The following DNAH17 variants were observed in gnomAD, a reference collection of about 807,000 sequenced individuals.
The protein encoded by DNAH17 is dynein axonemal heavy chain 17.
Under a neutral mutation model 485.6 loss-of-function variants are expected in DNAH17, and 376 were observed. That is an observed-to-expected ratio of 0.77 (90% CI 0.71 to 0.84). The LOEUF (loss-of-function observed/expected upper bound fraction) is 0.84, where lower values mean the gene tolerates loss of function less well. Among genes scored for constraint, DNAH17 ranks in the 40% least tolerant of loss-of-function variants. DNAH17 has a pLI of 0.00. For synonymous variants in DNAH17, 3,031 were observed against 2,405.9 expected (o/e 1.26, Z -7.60); for missense variants, 6,370 against 5,839.3 (o/e 1.09, Z -2.96).
chr17:78,457,108 C>T (rs536670117), intron 62 of DNAH17, among the ~76,000 whole-genome samples: 30 of 152,352 alleles, frequency 2.0e-4, no homozygotes, highest in African/African-American at 5.5e-4. Context: ...TGGTGGCTCA[C>T]GCCTGTAATC....
chr17:78,475,298 A>G lies in DNAH17; in HGVS notation c.8491T>C (p.Tyr2831His). ...CTCACCTTGAGGTCGGGGATCCCGTAGCCCTTCTTGAGGGTGATCTGAAAC... is the reference window on the plus strand; with the variant it reads ...CTCACCTTGAGGTCGGGGATCCCGTGGCCCTTCTTGAGGGTGATCTGAAAC... ...DVFQITLKKGYGIPDLKIDLA... is the reference protein window; with the variant it reads ...DVFQITLKKGHGIPDLKIDLA... The change falls in exon 54 of 81, where the codon TAC becomes CAC. Residue 2831 changes from tyrosine to histidine, a missense_variant. Physicochemically the swap from Tyr to His is moderately conservative, Grantham distance 83 (BLOSUM62 2). Transcript: ENST00000389840. The G allele has an allele frequency of 6.2e-7, 1 of 1,614,028 alleles. No individual in the cohort carries two copies. The highest frequency in any genetic ancestry group is 8.5e-7 in the Non-Finnish European group (1 of 1,179,892).
intron 18 of DNAH17, among the ~76,000 whole-genome samples, chr17:78,538,202 G>C (rs143784576): frequency 4.6e-5 from 7 of 150,624 alleles, no homozygotes; most frequent in Admixed American, 3.3e-4. Context: ...GGTTACTACA[G>C]GGGCTAAATG....
chr17:78,483,358 G>A (rs1403946746), intron 48 of DNAH17, among the ~76,000 whole-genome samples: 1 of 152,218 alleles, frequency 6.6e-6, no homozygotes, highest in African/African-American at 2.4e-5. Context: ...GGCTGAGCGT[G>A]GTGGCTCACG....
At chr17:78,471,327 G>A (rs2088738443) in intron 54 of DNAH17, among the ~76,000 whole-genome samples, 1 of 148,598 alleles carries the variant, frequency 6.7e-6, no homozygotes, top group Admixed American at 6.6e-5. Context: ...GCCTGGAAAA[G>A]CAGGTGGGCA....
intron 5 of DNAH17, 106 bp from the exon 6 acceptor site, chr17:78,571,139 G>T (rs2092351804): frequency 7.7e-7 from 1 of 1,292,786 alleles, no homozygotes; most frequent in Non-Finnish European, 1.1e-6. Flanking sequence ...AGGAAATGGG[G>T]CCTTTCTCAA....
intron 38 of DNAH17, 145 bp from the exon 39 acceptor site, chr17:78,495,242 C>T: frequency 9.1e-7 from 1 of 1,095,614 alleles, no homozygotes; most frequent in Non-Finnish European, 1.3e-6. Context: ...TGGAGCCGGG[C>T]TCCCAGCCCG....
chr17:78,457,485 G>C (rs4969190), intron 62 of DNAH17, among the ~76,000 whole-genome samples: 1 of 152,014 alleles, frequency 6.6e-6, no homozygotes, highest in Non-Finnish European at 1.5e-5. Context: ...TATTAGTTAC[G>C]TGTTGAAATA....
rs74698484 is a variant in DNAH17, at chr17:78,517,779, T to A, written c.3865-2757A>T. ...CAGTTCTGCCAAGATGGAGCAGCCC[T>A]GTTACTTCCAGCTTCTCTCTCTTAC... On this transcript the variant is annotated intron_variant, in intron 25 of 80. Coordinates refer to ENST00000389840, the MANE Select transcript of DNAH17 (RefSeq NM_173628.4). Among the ~76,000 whole-genome samples the A allele has an allele frequency of 8.7e-3, 1,326 of 152,366 alleles. 6 individuals are homozygous for A. The highest frequency in any genetic ancestry group is 0.02 in the Middle Eastern group (6 of 294).
intron 25 of DNAH17, among the ~76,000 whole-genome samples, chr17:78,515,368 G>T (rs972498137): frequency 1.3e-5 from 2 of 152,120 alleles, no homozygotes; most frequent in Non-Finnish European, 2.9e-5. Context: ...AATTAGCTGG[G>T]TGTGGTGGTG....
chr17:78,491,384 G>A, intron 43 of DNAH17, 59 bp downstream of exon 43: 3 of 1,581,870 alleles, frequency 1.9e-6, no homozygotes, highest in Non-Finnish European at 2.6e-6. Context: ...GCCTCCCTGT[G>A]AGCCCCCGTT....
chr17:78,480,945 A>G (rs1386091012), intron 48 of DNAH17, among the ~76,000 whole-genome samples, 159 bp from the exon 49 acceptor site: 1 of 152,016 alleles, frequency 6.6e-6, no homozygotes, highest in Admixed American at 6.6e-5. Context: ...ATCTCGGCTC[A>G]CTGCAAGCTT....
intron 56 of DNAH17, among the ~76,000 whole-genome samples, chr17:78,465,121 G>C (rs1322405852): frequency 6.6e-6 from 1 of 152,300 alleles, no homozygotes; most frequent in African/African-American, 2.4e-5. Context: ...TGGTGGAGAC[G>C]GGGTTTCGCT....
chr17:78,566,683 C>A lies in DNAH17; in HGVS notation c.1500G>T (p.Leu500=). The change falls in exon 11 of 81, where the codon CTG becomes CTT. Residue 500 remains leucine, a synonymous_variant. Coordinates refer to ENST00000389840, the MANE Select transcript of DNAH17 (RefSeq NM_173628.4). ...YADFEIKIQD[L]DRRLATIFCQ... ...AAAAGATCGTGGCCAGCCTCCTATC[C>A]AGGTCTTGGATTTTGATCTCAAAAT... 6.2e-7 allele frequency: 1 copy of A among 1,610,540 alleles called. No individual in the cohort carries two copies. Among genetic ancestry groups the A allele is most frequent in the Non-Finnish European group, 8.5e-7 (1 of 1,178,430 alleles).
At chr17:78,525,682 A>G (rs555766642) in intron 24 of DNAH17, among the ~76,000 whole-genome samples, 1 of 152,318 alleles carries the variant, frequency 6.6e-6, no homozygotes, top group South Asian at 2.1e-4. Context: ...GTGCACACAC[A>G]TGGACACGCA....
chr17:78,567,239 T>G, intron 9 of DNAH17, 73 bp from the exon 10 acceptor site: 90 of 1,506,688 alleles, frequency 6.0e-5, no homozygotes, highest in Middle Eastern at 1.7e-4. Flanking sequence ...AAACTAGCTC[T>G]GACCCCAGGC....
At chr17:78,570,399 T>C (rs770393788) in intron 6 of DNAH17, 27 bp from the exon 7 acceptor site, 6 of 1,601,566 alleles carry the variant, frequency 3.7e-6, no homozygotes, top group Non-Finnish European at 5.1e-6. Flanking sequence ...CCAGGCACAC[T>C]GGAGGGGACT....
Position 78,505,332 on chromosome 17 carries a change from C to G in DNAH17, c.4917G>C (p.Glu1639Asp), listed in dbSNP as rs958849484. Residue 1639 changes from glutamate (E) to aspartate (D), a missense_variant, in exon 31 of 81, where the codon GAG (glutamate) becomes GAC (aspartate). Coordinates refer to ENST00000389840, the MANE Select transcript of DNAH17 (RefSeq NM_173628.4). Reference sequence around the variant, plus strand: ...CGCATTCCTGATCAAAAACCATGTACTCGTCCTCCTTGCTGTACATTCCCA... The same window carrying G: ...CGCATTCCTGATCAAAAACCATGTAGTCGTCCTCCTTGCTGTACATTCCCA... ...VGLGMYSKED[E>D]YMVFDQECDL... 3 of 1,613,854 alleles carry G rather than the reference C, an allele frequency of 1.9e-6. No individual in the cohort carries two copies. The highest frequency in any genetic ancestry group is 2.5e-6 in the Non-Finnish European group (3 of 1,179,888).
At position 78,552,582 on chromosome 17, in the gene DNAH17, C is replaced by G. The variant is rs2091927779; in HGVS notation, c.2287+115G>C. ...TCCTTTAGCCCCCTTGAAGTTAAAG[C>G]AGATCCACACAGCCAGGAGGCAGAA... is the stretch of plus-strand genomic sequence containing the variant. On this transcript the variant is annotated intron_variant, in intron 15 of 80. Coordinates refer to ENST00000389840, the MANE Select transcript of DNAH17 (RefSeq NM_173628.4). 5 of 601,786 alleles carry G rather than the reference C, an allele frequency of 8.3e-6. No individual in the cohort carries two copies. The Admixed American group carries it at 9.9e-5, about 12-fold the overall frequency. 37.3% of individuals were successfully genotyped at this position (601,786 alleles called of 1,614,324 possible).
chr17:78,552,443 A>T (rs2091922537), intron 15 of DNAH17, among the ~76,000 whole-genome samples: 1 of 151,936 alleles, frequency 6.6e-6, no homozygotes, highest in African/African-American at 2.4e-5. Context: ...CAGTTTGGGA[A>T]ACTTGGAAAC....
Sources: allele counts gnomAD v4.1 joint callset (sites outside exome capture counted in the v4.1 genomes callset), GRCh38; gene constraint gnomAD v4.1.1; transcripts MANE v1.5; gene names NCBI Gene and HGNC (gene_info 2026-07-23, HGNC 2026-07-21).